The following FAM111A variants were observed in gnomAD, a reference collection of about 807,000 sequenced individuals.
FAM111A encodes the protein FAM111 trypsin like peptidase A, also known as serine protease FAM111A.
In FAM111A, 8 loss-of-function variants were observed where a neutral mutation model predicts 3.3. The ratio of observed to expected loss-of-function variants is 2.39; its 90% CI spans 1.40 to 4.32. The LOEUF is 4.32. Among genes scored for constraint, FAM111A ranks in the 30% most tolerant of loss-of-function variants. The pLI is 0.00. For missense variants in FAM111A, 683 were observed against 727.6 expected, an observed-to-expected ratio of 0.94 and a Z score of 0.71; for synonymous variants, 227 against 243.1, an observed-to-expected ratio of 0.93 and a Z score of 0.62.
rs1758993688 is a variant in FAM111A at position 59,154,482 on chromosome 11, C to G, written c.*978C>G. 2 of 152,084 alleles carry G rather than the reference C, an allele frequency of 1.3e-5. No individual in the cohort carries two copies. The highest frequency in any genetic ancestry group is 2.9e-5 in the Non-Finnish European group (2 of 68,018). 9.4% of individuals were successfully genotyped at this position (152,084 alleles called of 1,614,324 possible). A position where few individuals can be genotyped will look rare whatever the true frequency, so the allele number is the denominator to read the frequency against. On this transcript the variant is annotated 3_prime_UTR_variant, in exon 6 of 6. Transcript: ENST00000675163. ...CTCCAATTATTAATGTTATGTATTTCTCATTGTTTTACTTCTTCATGGTAT... is the reference window on the plus strand; with the variant it reads ...CTCCAATTATTAATGTTATGTATTTGTCATTGTTTTACTTCTTCATGGTAT...
intron 5 of FAM111A, among the ~76,000 whole-genome samples, chr11:59,151,533 C>G (rs1861657776): frequency 6.6e-6 from 1 of 152,170 alleles, no homozygotes; most frequent in Non-Finnish European, 1.5e-5. Flanking sequence ...GAAGAATGCA[C>G]TAGTGTAGTG....
chr11:59,150,713 G>A (rs1447115578), intron 5 of FAM111A, among the ~76,000 whole-genome samples: 2 of 152,072 alleles, frequency 1.3e-5, no homozygotes, highest in African/African-American at 2.4e-5. Flanking sequence ...AAATATAATT[G>A]GACTGGGAAT....
Position 59,154,593 on chromosome 11 carries a change from A to C in FAM111A, c.*1089A>C, listed in dbSNP as rs1163973454. On this transcript the variant is annotated 3_prime_UTR_variant, in exon 6 of 6. Coordinates refer to ENST00000675163, the MANE Select transcript of FAM111A (RefSeq NM_001312909.2). Reference sequence around the variant, plus strand: ...TGGACCCAATCTGTTTTCCATTTCCATTGCAATACTACTAAAGCCATACAA... The same window carrying C: ...TGGACCCAATCTGTTTTCCATTTCCCTTGCAATACTACTAAAGCCATACAA... 6.6e-6 allele frequency: 1 copy of C among 152,180 alleles called. No individual in the cohort carries two copies. Among genetic ancestry groups the C allele is most frequent in the Non-Finnish European group, 1.5e-5 (1 of 68,042 alleles). 9.4% of individuals were successfully genotyped at this position (152,180 alleles called of 1,614,324 possible).
chr11:59,148,869 C>T lies in FAM111A; in HGVS notation c.-4C>T. On this transcript the variant is annotated 5_prime_UTR_variant, in exon 5 of 6. Coordinates refer to ENST00000675163, the MANE Select transcript of FAM111A (RefSeq NM_001312909.2). ...CTGAACCATCCGTTCATCTTCAAGC[C>T]ATCATGAGCTGTAAGAAGCAGAGGT... The T allele has an allele frequency of 1.2e-6, 2 of 1,610,216 alleles. No homozygotes were observed. The highest frequency in any genetic ancestry group is 1.7e-6 in the Non-Finnish European group (2 of 1,176,744).
rs766364962 is a variant in FAM111A, at chr11:59,152,658, T to C, written c.990T>C (p.His330=). The C allele has an allele frequency of 5.1e-5, 82 of 1,614,100 alleles. No homozygotes were observed. The highest frequency in any genetic ancestry group is 6.4e-5 in the Non-Finnish European group (76 of 1,179,996). Residue 330 remains histidine, a synonymous_variant, in exon 6 of 6, where the codon CAT becomes CAC. Transcript: ENST00000675163. ...VKNGETLFEL[H]RTTFGKVTKN... The stretch of plus-strand genomic sequence containing the variant: ...ATGGGGAAACATTATTTGAATTGCA[T>C]AGAACAACGTTTGGGAAAGTAACAA...
In FAM111A at chr11:59,153,043, G is replaced by A. The variant is rs1861910989; in HGVS notation, c.1375G>A (p.Gly459Arg). 2 of 1,614,000 alleles carry A rather than the reference G, an allele frequency of 1.2e-6. No homozygotes were observed. Among genetic ancestry groups the A allele is most frequent in the Non-Finnish European group, 1.7e-6 (2 of 1,180,042 alleles). The change falls in exon 6 of 6, where the codon GGA becomes AGA. Residue 459 changes from glycine to arginine, a missense_variant. Coordinates refer to ENST00000675163, the MANE Select transcript of FAM111A (RefSeq NM_001312909.2). ...ACAAGTACCTATGGAACTATATAATGGAATTACTCCTGTGCCACTTAGTGG... is the reference window on the plus strand; with the variant it reads ...ACAAGTACCTATGGAACTATATAATAGAATTACTCCTGTGCCACTTAGTGG... ...GQQVPMELYNGITPVPLSGLI... is the reference protein window; with the variant it reads ...GQQVPMELYNRITPVPLSGLI...
At chr11:59,146,281 A>T (rs192717898) in intron 4 of FAM111A, among the ~76,000 whole-genome samples, 64 of 152,212 alleles carry the variant, frequency 4.2e-4, no homozygotes, top group African/African-American at 1.4e-3. Flanking sequence ...ACAGGTTTTC[A>T]CCAGGTTGGC....
In FAM111A at chr11:59,153,186, A is replaced by C. The variant is rs2135488345; in HGVS notation, c.1518A>C (p.Ala506=). 2 of 1,614,244 alleles carry C rather than the reference A, an allele frequency of 1.2e-6. No homozygotes were observed. The change falls in exon 6 of 6, where the codon GCA becomes GCC. Residue 506 remains alanine, a synonymous_variant. Transcript: ENST00000675163. ...AGGAACGTGTTCAGTCTAAAAAAGC[A>C]GAAAGTCCAGAGTATGTCCATATGT... is the stretch of plus-strand genomic sequence containing the variant. The part of the protein sequence containing the change: ...KCQERVQSKK[A]ESPEYVHMYT...
In FAM111A at chr11:59,153,532, T is replaced by G. The variant is rs757282801; in HGVS notation, c.*28T>G. Reference sequence around the variant, plus strand: ...ATTCAGTCTACTGGATTTAAGGGAATGGCTTATGGAGTTGTTATTTCATAG... The same window carrying G: ...ATTCAGTCTACTGGATTTAAGGGAAGGGCTTATGGAGTTGTTATTTCATAG... On this transcript the variant is annotated 3_prime_UTR_variant, in exon 6 of 6. Coordinates refer to ENST00000675163, the MANE Select transcript of FAM111A (RefSeq NM_001312909.2). 6.5e-7 allele frequency: 1 copy of G among 1,527,116 alleles called. No homozygotes were observed. The highest frequency in any genetic ancestry group is 2.3e-5 in the East Asian group (1 of 44,352). 94.6% of individuals were successfully genotyped at this position (1,527,116 alleles called of 1,614,324 possible). A position where few individuals can be genotyped will look rare whatever the true frequency, so the allele number is the denominator to read the frequency against.
rs994732829 is a variant in FAM111A, at chr11:59,154,195, A to G, written c.*691A>G. The G allele has an allele frequency of 1.3e-5, 2 of 152,198 alleles. No individual in the cohort carries two copies. Among genetic ancestry groups the G allele is most frequent in the African/African-American group, 4.8e-5 (2 of 41,440 alleles). 9.4% of individuals were successfully genotyped at this position (152,198 alleles called of 1,614,324 possible). A position where few individuals can be genotyped will look rare whatever the true frequency, so the allele number is the denominator to read the frequency against. On this transcript the variant is annotated 3_prime_UTR_variant, in exon 6 of 6. Transcript: ENST00000675163. Reference sequence around the variant, plus strand: ...TCTCATGATTCCCTACATCTGACATAAGGAAAGTAAGTGCTCAGAAAAATG... The same window carrying G: ...TCTCATGATTCCCTACATCTGACATGAGGAAAGTAAGTGCTCAGAAAAATG...
rs1459577504 is a variant in FAM111A at position 59,152,081 on chromosome 11, T to G, written c.413T>G (p.Ile138Arg). 2.5e-6 allele frequency: 4 copies of G among 1,614,032 alleles called. No individual in the cohort carries two copies. Among genetic ancestry groups the G allele is most frequent in the South Asian group, 2.2e-5 (2 of 91,094 alleles). The change falls in exon 6 of 6, where the codon ATA becomes AGA. Residue 138 changes from isoleucine (I) to arginine (R), a missense_variant. Ile to Arg is a moderately conservative substitution (Grantham distance 97). Coordinates refer to ENST00000675163, the MANE Select transcript of FAM111A (RefSeq NM_001312909.2). ...VRGTEGIKEYINLGMPLSCFP... is the reference protein window; with the variant it reads ...VRGTEGIKEYRNLGMPLSCFP... Reference sequence around the variant, plus strand: ...GGCACAGAAGGAATCAAAGAGTACATAAACCTTGGAATGCCCCTCAGTTGT... The same window carrying G: ...GGCACAGAAGGAATCAAAGAGTACAGAAACCTTGGAATGCCCCTCAGTTGT...
At chr11:59,146,258 A>G (rs1378208562) in intron 4 of FAM111A, among the ~76,000 whole-genome samples, 1 of 151,974 alleles carries the variant, frequency 6.6e-6, no homozygotes, top group Non-Finnish European at 1.5e-5. Context: ...CTAATTTTTA[A>G]TTCTTAGTAG....
chr11:59,152,396 T>C lies in FAM111A; in HGVS notation c.728T>C (p.Ile243Thr), dbSNP rs1276045804. The C allele has an allele frequency of 1.9e-6, 3 of 1,614,182 alleles. No homozygotes were observed. The highest frequency in any genetic ancestry group is 2.2e-5 in the South Asian group (2 of 91,088). The change falls in exon 6 of 6, where the codon ATT (isoleucine) becomes ACT (threonine). Residue 243 changes from isoleucine to threonine, a missense_variant. Coordinates refer to ENST00000675163, the MANE Select transcript of FAM111A (RefSeq NM_001312909.2). ...SFLENDDWKL[I>T]ENNDTILEST... The stretch of plus-strand genomic sequence containing the variant: ...CTGGAGAATGATGATTGGAAACTCA[T>C]TGAAAACAATGACACCATTTTAGAA...
At position 59,152,849 on chromosome 11, in the gene FAM111A, G is replaced by T; in HGVS notation, c.1181G>T (p.Gly394Val). 1.9e-6 allele frequency: 3 copies of T among 1,614,122 alleles called. No homozygotes were observed. The highest frequency in any genetic ancestry group is 2.5e-6 in the Non-Finnish European group (3 of 1,180,012). ...RHVIDSIVGD[G>V]IEPSKWATII... Reference sequence around the variant, plus strand: ...GTAATAGATAGCATTGTGGGAGACGGAATAGAGCCAAGTAAGTGGGCAACC... The same window carrying T: ...GTAATAGATAGCATTGTGGGAGACGTAATAGAGCCAAGTAAGTGGGCAACC... The change falls in exon 6 of 6, where the codon GGA becomes GTA. Residue 394 changes from glycine (G) to valine (V), a missense_variant. Physicochemically the swap from Gly to Val is moderately radical, Grantham distance 109. Around this residue, in one of 3 missense-constraint regions of FAM111A, gnomAD observed 557 missense variants for 600.2 expected, o/e 0.93. Transcript: ENST00000675163.
At chr11:59,144,926 TCCGCGGGGCGCGGTCACGGGCGCGG>T (rs1440007607) in intron 3 of FAM111A, 3 of 152,710 alleles carry the variant, frequency 2.0e-5, no homozygotes, top group Non-Finnish European at 4.4e-5. Context: ...GCTGGGGTGC[TCCGCGGGGCGCGGTCACGGGCGCGG>T]CCGCGGCGGG....
Position 59,153,652 on chromosome 11 carries a change from A to G in FAM111A, c.*148A>G. 3 of 651,926 alleles carry G rather than the reference A, an allele frequency of 4.6e-6. No homozygotes were observed. Among genetic ancestry groups the G allele is most frequent in the Non-Finnish European group, 7.6e-6 (3 of 392,978 alleles). The allele number at this position is 651,926 out of a possible 1,614,324, so 40.4% of individuals were successfully genotyped here. ...ATCTGCCAGGCATTTTTCTAAGCAC[A>G]TGAAGAAATTAGTCCTAACAACACT... On this transcript the variant is annotated 3_prime_UTR_variant, in exon 6 of 6. Coordinates refer to ENST00000675163, the MANE Select transcript of FAM111A (RefSeq NM_001312909.2).
chr11:59,144,598 GA>G (rs1395557519), intron 3 of FAM111A: 12 of 152,248 alleles, frequency 7.9e-5, no homozygotes, highest in African/African-American at 2.9e-4. Flanking sequence ...TGGGGATTAG[GA>G]AATTCAGAAA....
At chr11:59,148,321 A>G (rs1311523643) in intron 4 of FAM111A, 1 of 152,368 alleles carries the variant, frequency 6.6e-6, no homozygotes, top group Non-Finnish European at 1.5e-5. Flanking sequence ...CTCTATCCTC[A>G]CCACTTCCCT....
chr11:59,146,080 CAGAGAG>C (rs146274712), intron 4 of FAM111A, among the ~76,000 whole-genome samples: 1 of 145,970 alleles, frequency 6.9e-6, no homozygotes, highest in African/African-American at 2.6e-5. Context: ...GTGTGTGTGA[CAGAGAG>C]AGAGAGAGAG....
Sources: gnomAD v4.1 joint callset for allele counts (sites outside exome capture counted in the v4.1 genomes callset) on GRCh38, gnomAD v4.1.1 for gene constraint, gnomAD v4.1.1 regional missense constraint, MANE v1.5 for transcripts, NCBI Gene and HGNC (gene_info 2026-07-23, HGNC 2026-07-21) for gene names.